The following SAMD13 variants were observed in gnomAD, a reference collection of about 807,000 sequenced individuals.
The protein encoded by SAMD13 is sterile alpha motif domain-containing protein 13.
Under a neutral mutation model 12.4 loss-of-function variants are expected in SAMD13, and 9 were observed. That is an observed-to-expected ratio of 0.72 (90% confidence interval 0.44 to 1.26). The LOEUF is 1.26. Ranked by LOEUF, SAMD13 falls within the 50% of genes most tolerant of loss-of-function variation. The probability of loss-of-function intolerance (pLI) is 0.00; values close to 1 mark genes in which losing one functional copy is unlikely to be tolerated. For synonymous variants in SAMD13, 46 were observed against 45.4 expected, an observed-to-expected ratio of 1.01 and a Z score of -0.05; for missense variants, 84 against 119.6, an observed-to-expected ratio of 0.70 and a Z score of 1.39.
chr1:84,299,143 C>A (rs980450426), upstream of SAMD13, among the ~76,000 whole-genome samples: 1 of 152,148 alleles, frequency 6.6e-6, no homozygotes, highest in African/African-American at 2.4e-5. Context: ...CCTCGGGCGA[C>A]TTCAGGCTGG....
intron 2 of SAMD13, among the ~76,000 whole-genome samples, chr1:84,320,106 T>C (rs879436907): frequency 7.9e-5 from 12 of 152,208 alleles, no homozygotes; most frequent in Admixed American, 5.9e-4. Flanking sequence ...AGACTATGAG[T>C]TTCCAATGCT....
intron 2 of SAMD13, among the ~76,000 whole-genome samples, chr1:84,320,928 G>A (rs1225117961): frequency 1.3e-5 from 2 of 152,112 alleles, no homozygotes; most frequent in Non-Finnish European, 2.9e-5. Context: ...ACAACTCTCA[G>A]CATCCATAAT....
rs760036992 is a variant in SAMD13, at chr1:84,349,729, T to C, written c.264T>C (p.His88=). Residue 88 remains histidine, a synonymous_variant, in exon 4 of 4, where the codon CAT becomes CAC. Transcript: ENST00000394834. ...LGPALKIYEY[H]VKPLQTKHLK... ...CTGCTCTGAAAATCTACGAATATCA[T>C]GTAAAACCTCTGCAGACAAAGCATT... 2 of 1,613,974 alleles carry C rather than the reference T, an allele frequency of 1.2e-6. No individual in the cohort carries two copies. Among genetic ancestry groups the C allele is most frequent in the Admixed American group, 1.7e-5 (1 of 60,026 alleles).
At chr1:84,325,893 G>C (rs1679049726) in intron 3 of SAMD13, 145 bp downstream of exon 3, 1 of 616,012 alleles carries the variant, frequency 1.6e-6, no homozygotes, top group Admixed American at 2.7e-5. Flanking sequence ...TGAGGGGAAG[G>C]AGAATGGATG....
intron 2 of SAMD13, among the ~76,000 whole-genome samples, chr1:84,319,181 C>T (rs74095537): frequency 0.028 from 4,210 of 152,260 alleles, 204 homozygotes; most frequent in African/African-American, 0.096. Flanking sequence ...GACCATTGTG[C>T]TGTGGCTCAG....
At chr1:84,322,210 G>T (rs1283247823) in intron 2 of SAMD13, among the ~76,000 whole-genome samples, 3 of 152,156 alleles carry the variant, frequency 2.0e-5, no homozygotes, top group Non-Finnish European at 2.9e-5. Context: ...CAGGGACTAT[G>T]CATTCCCTGT....
chr1:84,323,369 GT>G (rs1678985994), intron 2 of SAMD13, among the ~76,000 whole-genome samples: 1 of 151,994 alleles, frequency 6.6e-6, no homozygotes, highest in Admixed American at 6.6e-5. Flanking sequence ...GTGAAAAATA[GT>G]TTTCTTCTCG....
At position 84,325,931 on chromosome 1, in the gene SAMD13, G is replaced by C. The variant is rs888398455; in HGVS notation, c.165+183G>C. Among the ~76,000 whole-genome samples, 3 of 152,278 alleles carry C rather than the reference G, an allele frequency of 2.0e-5. No individual in the cohort carries two copies. In the Middle Eastern group the frequency reaches 0.01, roughly 518 times the overall value. ...CCAGGTGAATTATCCCTTTGTGCAA[G>C]GGGAAAACTCAAAGCCGGAGACAGT... On this transcript the variant is annotated intron_variant, in intron 3 of 3. Coordinates refer to ENST00000394834, the MANE Select transcript of SAMD13 (RefSeq NM_001134663.2).
At chr1:84,309,811 G>T (rs984890323) in intron 2 of SAMD13, among the ~76,000 whole-genome samples, 2 of 152,046 alleles carry the variant, frequency 1.3e-5, no homozygotes, top group African/African-American at 4.8e-5. Flanking sequence ...ATATGAAGAG[G>T]TGTGTAGTAC....
Position 84,318,221 on chromosome 1 carries a change from T to C in SAMD13, c.54-7416T>C, listed in dbSNP as rs192186712. Among the ~76,000 whole-genome samples the C allele has an allele frequency of 4.6e-5, 7 of 152,178 alleles. No homozygotes were observed. In the East Asian group the frequency reaches 1.4e-3, roughly 29 times the overall value. Reference sequence around the variant, plus strand: ...TAGAAAGTTAGGTTGTTTTATATCTTTCTTTTTTTAATGTAGGTATTTGTG... The same window carrying C: ...TAGAAAGTTAGGTTGTTTTATATCTCTCTTTTTTTAATGTAGGTATTTGTG... On this transcript the variant is annotated intron_variant, in intron 2 of 3. Transcript: ENST00000394834.
intron 3 of SAMD13, among the ~76,000 whole-genome samples, chr1:84,331,328 TA>T (rs1178046260): frequency 0.028 from 424 of 15,176 alleles, 5 homozygotes; most frequent in East Asian, 0.09. Flanking sequence ...CCCTCCTTGG[TA>T]AAAAAAAAAA....
intron 3 of SAMD13, among the ~76,000 whole-genome samples, chr1:84,347,253 A>G (rs1206069820): frequency 6.6e-6 from 1 of 152,182 alleles, no homozygotes; most frequent in Non-Finnish European, 1.5e-5. Flanking sequence ...GTTTGGTTGT[A>G]TGTATGAATT....
chr1:84,323,137 AGAAAACT>A (rs1390227989), intron 2 of SAMD13, among the ~76,000 whole-genome samples: 4 of 152,264 alleles, frequency 2.6e-5, no homozygotes, highest in African/African-American at 9.6e-5. Context: ...TGAGCTAATT[AGAAAACT>A]GAAAAGATTT....
At chr1:84,317,102 G>A (rs1230049992) in intron 2 of SAMD13, among the ~76,000 whole-genome samples, 5 of 151,908 alleles carry the variant, frequency 3.3e-5, no homozygotes, top group Admixed American at 3.3e-4. Flanking sequence ...AGGTTTTTTT[G>A]TGGAATCTTT....
At position 84,349,864 on chromosome 1, in the gene SAMD13, A is replaced by G. The variant is rs1679611621; in HGVS notation, c.*90A>G. The G allele has an allele frequency of 2.0e-6, 3 of 1,489,734 alleles. No homozygotes were observed. The South Asian group carries it at 4.4e-5, about 22-fold the overall frequency. 92.3% of individuals were successfully genotyped at this position (1,489,734 alleles called of 1,614,324 possible). ...GAAACTTTGTAAACAGAATACATAC[A>G]TGTGTATATGTAAAGAATTTCAATC... On this transcript the variant is annotated 3_prime_UTR_variant, in exon 4 of 4. Transcript: ENST00000394834.
intron 3 of SAMD13, among the ~76,000 whole-genome samples, chr1:84,333,915 G>A (rs1679243142): frequency 6.6e-6 from 1 of 152,062 alleles, no homozygotes; most frequent in Non-Finnish European, 1.5e-5. Context: ...ACTTGATTGT[G>A]GGAGATTAGC....
At chr1:84,314,440 G>GTAGTA (rs1193346548) in intron 2 of SAMD13, among the ~76,000 whole-genome samples, 2 of 152,320 alleles carry the variant, frequency 1.3e-5, no homozygotes, top group African/African-American at 4.8e-5. Context: ...CTGTCCTCTT[G>GTAGTA]TAGTATAGAG....
chr1:84,312,255 A>G (rs1005502885), intron 2 of SAMD13, among the ~76,000 whole-genome samples: 1 of 152,104 alleles, frequency 6.6e-6, no homozygotes, highest in African/African-American at 2.4e-5. Flanking sequence ...CACAACAAAC[A>G]GCATTTTTTT....
At chr1:84,327,677 T>C (rs1236671371) in intron 3 of SAMD13, among the ~76,000 whole-genome samples, 3 of 152,144 alleles carry the variant, frequency 2.0e-5, no homozygotes, top group Admixed American at 6.6e-5. Flanking sequence ...GGGTAAAGTA[T>C]ACTGATATAT....
Sources: allele counts gnomAD v4.1 joint callset (sites outside exome capture counted in the v4.1 genomes callset), GRCh38; gene constraint gnomAD v4.1.1; transcripts MANE v1.5; gene names NCBI Gene and HGNC (gene_info 2026-07-23, HGNC 2026-07-21).